Variants in NAALADL2 observed in about 807,000 individuals in gnomAD.
The protein encoded by NAALADL2 is inactive N-acetylated-alpha-linked acidic dipeptidase-like protein 2.
NAALADL2 carries 76 observed loss-of-function variants against 87.2 expected under a neutral mutation model. The ratio of observed to expected loss-of-function variants is 0.87; its 90% confidence interval spans 0.72 to 1.05. The LOEUF is 1.05. NAALADL2 is among the 50% of genes least tolerant of loss of function. The probability of loss-of-function intolerance (pLI) is 0.00; values close to 1 mark genes in which losing one functional copy is unlikely to be tolerated. For missense variants in NAALADL2, 1,089 were observed against 945.8 expected (o/e 1.15, Z -1.99); for synonymous variants, 354 against 331.0 (o/e 1.07, Z -0.75).
chr3:174,960,014 C>T (rs1741744808), intron 1 of NAALADL2, among the ~76,000 whole-genome samples: 1 of 151,964 alleles, frequency 6.6e-6, no homozygotes, highest in Non-Finnish European at 1.5e-5. Context: ...TTTAGGTCTG[C>T]AGATATGATG....
chr3:175,264,445 A>G (rs1250612739), intron 4 of NAALADL2, among the ~76,000 whole-genome samples: 1 of 151,840 alleles, frequency 6.6e-6, no homozygotes, highest in East Asian at 1.9e-4. Flanking sequence ...TCACTCAAAC[A>G]TGCAAACCTA....
intron 3 of NAALADL2, among the ~76,000 whole-genome samples, chr3:174,839,842 T>A (rs111950131): frequency 0.15 from 22,054 of 146,860 alleles, 1,832 homozygotes; most frequent in African/African-American, 0.23. Context: ...AAAAAAATAA[T>A]AAAAAAAAAT....
At chr3:175,469,236 C>A (rs576758907) in intron 8 of NAALADL2, among the ~76,000 whole-genome samples, 4 of 152,004 alleles carry the variant, frequency 2.6e-5, no homozygotes, top group Non-Finnish European at 4.4e-5. Context: ...TGTTTCAGTG[C>A]AATTCATGAA....
intron 5 of NAALADL2, among the ~76,000 whole-genome samples, chr3:175,446,019 T>C (rs1003030457): frequency 2.0e-5 from 3 of 152,138 alleles, no homozygotes; most frequent in African/African-American, 7.2e-5. Context: ...TGATTTGAAG[T>C]TCTGTATATG....
At chr3:174,820,945 G>C (rs1034807558) in intron 3 of NAALADL2, among the ~76,000 whole-genome samples, 2 of 152,140 alleles carry the variant, frequency 1.3e-5, no homozygotes, top group African/African-American at 4.8e-5. Context: ...TAAAGTTTGA[G>C]TATCCAGACA....
At chr3:174,606,817 G>A (rs911777894) in intron 2 of NAALADL2, among the ~76,000 whole-genome samples, 2 of 152,000 alleles carry the variant, frequency 1.3e-5, no homozygotes, top group Non-Finnish European at 2.9e-5. Flanking sequence ...GAAATACAGA[G>A]AACACCACAA....
At chr3:175,075,623 A>G (rs992398290) in intron 1 of NAALADL2, among the ~76,000 whole-genome samples, 1 of 152,138 alleles carries the variant, frequency 6.6e-6, no homozygotes, top group African/African-American at 2.4e-5. Flanking sequence ...ACTTACCAAA[A>G]GATATCAATG....
intron 1 of NAALADL2, among the ~76,000 whole-genome samples, chr3:174,960,471 GGACTTACTAT>G (rs1214781699): frequency 6.6e-6 from 1 of 151,882 alleles, no homozygotes; most frequent in Non-Finnish European, 1.5e-5. Flanking sequence ...CATTCATCTT[GGACTTACTAT>G]GAATAAGAAG....
At chr3:175,719,537 C>A (rs557851158) in intron 11 of NAALADL2, among the ~76,000 whole-genome samples, 7 of 152,244 alleles carry the variant, frequency 4.6e-5, no homozygotes, top group African/African-American at 1.7e-4. Flanking sequence ...TTATGCATGA[C>A]TGTTACAAAT....
chr3:175,736,253 G>A (rs2090646174), intron 11 of NAALADL2, among the ~76,000 whole-genome samples: 1 of 152,178 alleles, frequency 6.6e-6, no homozygotes, highest in African/African-American at 2.4e-5. Context: ...TATGTACGAA[G>A]ATTGCAGATA....
At chr3:175,622,398 T>A (rs1232483421) in intron 10 of NAALADL2, among the ~76,000 whole-genome samples, 2 of 152,144 alleles carry the variant, frequency 1.3e-5, no homozygotes, top group African/African-American at 2.4e-5. Flanking sequence ...AATTTTAAAA[T>A]CTTAAAACGA....
intron 1 of NAALADL2, among the ~76,000 whole-genome samples, chr3:174,912,890 C>G (rs1258132936): frequency 1.3e-5 from 2 of 152,142 alleles, no homozygotes; most frequent in African/African-American, 2.4e-5. Context: ...ATGATTTGAA[C>G]ATGATAAACT....
In NAALADL2 at chr3:175,667,241, A is replaced by AAGAAAGAAAT. The variant is rs1182682303; in HGVS notation, c.1896+39856_1896+39857insGAAAGAAATA. Among the ~76,000 whole-genome samples the AAGAAAGAAAT allele has an allele frequency of 1.6e-4, 15 of 91,716 alleles. 1 individual carries two copies. The highest frequency in any genetic ancestry group is 7.6e-4 in the African/African-American group (15 of 19,646). The allele number at this position is 91,716 out of a possible 152,430, so 60.2% of individuals were successfully genotyped here. A position where few individuals can be genotyped will look rare whatever the true frequency, so the allele number is the denominator to read the frequency against. On this transcript the variant is annotated intron_variant, in intron 11 of 13. Transcript: ENST00000454872. ...AAAGAAAGAAAGAAAGAAAGAAAGA[A>AAGAAAGAAAT]AAAGAAAGAAAGAAAGAAAGAAAGG...
intron 2 of NAALADL2, among the ~76,000 whole-genome samples, chr3:174,663,645 T>G (rs549257336): frequency 6.6e-6 from 1 of 152,168 alleles, no homozygotes; most frequent in Non-Finnish European, 1.5e-5. Flanking sequence ...GTGAGGTATC[T>G]GCCCTCATGA....
Position 175,256,472 on chromosome 3 carries a change from A to T in NAALADL2, c.881A>T (p.Lys294Ile). Residue 294 changes from lysine to isoleucine, a missense_variant, in exon 4 of 14, where the codon AAA becomes ATA. Transcript: ENST00000454872. ...ADDLKRIRKI[K>I]NVTNQIALLK... ...GATTTAAAAAGGATTAGGAAAATAA[A>T]AAACGTAACAAATCAGATCGCACTC... The T allele has an allele frequency of 3.1e-6, 5 of 1,612,798 alleles. No homozygotes were observed. The highest frequency in any genetic ancestry group is 4.2e-6 in the Non-Finnish European group (5 of 1,179,312).
intron 3 of NAALADL2, among the ~76,000 whole-genome samples, chr3:174,851,737 G>C (rs1406981332): frequency 6.6e-6 from 1 of 151,996 alleles, no homozygotes; most frequent in African/African-American, 2.4e-5. Context: ...TTTCTACAAG[G>C]CTAGTATTAT....
intron 2 of NAALADL2, among the ~76,000 whole-genome samples, chr3:175,149,405 T>C (rs1244606245): frequency 3.9e-5 from 6 of 152,154 alleles, no homozygotes; most frequent in South Asian, 4.1e-4. Context: ...ATTTTAGGAA[T>C]TGCACCTAAT....
intron 9 of NAALADL2, among the ~76,000 whole-genome samples, chr3:175,499,895 G>C (rs1054205128): frequency 6.6e-6 from 1 of 152,116 alleles, no homozygotes; most frequent in East Asian, 1.9e-4. Flanking sequence ...GGTCTGAGTA[G>C]AGTCTAAAAT....
chr3:174,596,703 T>G (rs1049713717), intron 2 of NAALADL2, among the ~76,000 whole-genome samples: 1 of 152,222 alleles, frequency 6.6e-6, no homozygotes, highest in Non-Finnish European at 1.5e-5. Flanking sequence ...GCTAAGTACA[T>G]TGTTTCTAAA....
Sources: gnomAD v4.1 joint callset for allele counts (sites outside exome capture counted in the v4.1 genomes callset) on GRCh38, gnomAD v4.1.1 for gene constraint, MANE v1.5 for transcripts, NCBI Gene and HGNC (gene_info 2026-07-23, HGNC 2026-07-21) for gene names.